TWSG1: variants seen among roughly 807,000 people sequenced by gnomAD.
The protein encoded by TWSG1 is twisted gastrulation protein homolog 1.
A neutral mutation model predicts 23.0 loss-of-function variants in TWSG1; 15 were observed. The ratio of observed to expected loss-of-function variants is 0.65; its 90% CI spans 0.44 to 1.00. TWSG1 has a LOEUF of 1.00. Among genes scored for constraint, TWSG1 ranks in the 50% least tolerant of loss-of-function variants. The probability of loss-of-function intolerance (pLI) is 0.00; values close to 1 mark genes in which losing one functional copy is unlikely to be tolerated. For synonymous variants in TWSG1, 86 were observed against 92.8 expected, an observed-to-expected ratio of 0.93 and a Z score of 0.42; for missense variants, 242 against 278.7, an observed-to-expected ratio of 0.87 and a Z score of 0.94.
chr18:9,372,091 C>T (rs1192247326), intron 3 of TWSG1, among the ~76,000 whole-genome samples: 3 of 151,892 alleles, frequency 2.0e-5, no homozygotes, highest in Non-Finnish European at 4.4e-5. Flanking sequence ...ATTGATCTAA[C>T]AGATGACAGC....
chr18:9,373,358 G>A (rs1186410465), intron 3 of TWSG1, among the ~76,000 whole-genome samples: 1 of 151,156 alleles, frequency 6.6e-6, no homozygotes, highest in African/African-American at 2.4e-5. Context: ...GCGAAACCCT[G>A]TCTCTACCAA....
At chr18:9,353,931 A>G (rs2040513327) in intron 2 of TWSG1, among the ~76,000 whole-genome samples, 1 of 152,242 alleles carries the variant, frequency 6.6e-6, no homozygotes, top group South Asian at 2.1e-4. Flanking sequence ...TACCTTTACA[A>G]ACAATGATTA....
intron 3 of TWSG1, among the ~76,000 whole-genome samples, chr18:9,361,398 C>A (rs906374721): frequency 2.0e-5 from 3 of 152,092 alleles, no homozygotes; most frequent in African/African-American, 2.4e-5. Context: ...GTCTGGTGAC[C>A]CTTGGCTGTC....
intron 3 of TWSG1, 129 bp from the exon 4 acceptor site, chr18:9,396,147 CAAAA>C (rs58754446): frequency 0.046 from 21,026 of 454,672 alleles, no homozygotes; most frequent in Middle Eastern, 0.061. Flanking sequence ...GCTCACCCAG[CAAAA>C]AAAAAAAAAA....
chr18:9,372,800 C>T (rs2040612029), intron 3 of TWSG1, among the ~76,000 whole-genome samples: 1 of 151,500 alleles, frequency 6.6e-6, no homozygotes, highest in African/African-American at 2.4e-5. Context: ...ATAAAATGCT[C>T]AATTAAAACC....
intron 2 of TWSG1, among the ~76,000 whole-genome samples, chr18:9,355,496 C>G (rs1428569755): frequency 6.6e-6 from 1 of 152,048 alleles, no homozygotes; most frequent in African/African-American, 2.4e-5. Context: ...ATGTTCACAA[C>G]CAAACATTAT....
At chr18:9,372,893 A>C (rs1440725200) in intron 3 of TWSG1, among the ~76,000 whole-genome samples, 2 of 152,228 alleles carry the variant, frequency 1.3e-5, no homozygotes, top group Non-Finnish European at 2.9e-5. Flanking sequence ...AATATGATAG[A>C]TATTAATCCA....
At chr18:9,363,879 C>T (rs1395101768) in intron 3 of TWSG1, among the ~76,000 whole-genome samples, 1 of 152,140 alleles carries the variant, frequency 6.6e-6, no homozygotes, top group Non-Finnish European at 1.5e-5. Flanking sequence ...CTGCCCTCCT[C>T]AGCCTCCCAA....
At chr18:9,365,662 G>A (rs1264789403) in intron 3 of TWSG1, among the ~76,000 whole-genome samples, 1 of 151,478 alleles carries the variant, frequency 6.6e-6, no homozygotes, top group Non-Finnish European at 1.5e-5. Flanking sequence ...AGGCGGCAGA[G>A]TGAGACTTTA....
intron 3 of TWSG1, among the ~76,000 whole-genome samples, chr18:9,363,914 C>A (rs765114954): frequency 1.3e-5 from 2 of 152,206 alleles, no homozygotes; most frequent in Non-Finnish European, 2.9e-5. Context: ...ACATGTGAGC[C>A]ACCGCACCCG....
intron 2 of TWSG1, among the ~76,000 whole-genome samples, chr18:9,358,670 T>C (rs1303005028): frequency 6.6e-6 from 1 of 152,118 alleles, no homozygotes; most frequent in Non-Finnish European, 1.5e-5. Flanking sequence ...TTTATAAGAT[T>C]AGGACCGGCT....
intron 2 of TWSG1, among the ~76,000 whole-genome samples, chr18:9,338,519 A>G (rs1173725748): frequency 6.6e-6 from 1 of 152,210 alleles, no homozygotes; most frequent in Non-Finnish European, 1.5e-5. Context: ...AAATCCCTTG[A>G]TACTGTTTTG....
At chr18:9,395,895 A>G (rs75601690) in intron 3 of TWSG1, among the ~76,000 whole-genome samples, 6,171 of 152,176 alleles carry the variant, frequency 0.041, 405 homozygotes, top group African/African-American at 0.14. Flanking sequence ...CAAATTGTCT[A>G]TTAGCCAGTA....
At chr18:9,366,851 T>C (rs2040581192) in intron 3 of TWSG1, among the ~76,000 whole-genome samples, 1 of 152,246 alleles carries the variant, frequency 6.6e-6, no homozygotes, top group African/African-American at 2.4e-5. Context: ...TTTTGAAATA[T>C]GTATACATTG....
At chr18:9,363,816 TG>T (rs11289462) in intron 3 of TWSG1, among the ~76,000 whole-genome samples, 23,409 of 151,908 alleles carry the variant, frequency 0.15, 2,395 homozygotes, top group African/African-American at 0.29. Context: ...TTTGTACAGA[TG>T]GGGTTTCACC....
At chr18:9,345,431 G>A (rs186446881) in intron 2 of TWSG1, among the ~76,000 whole-genome samples, 3 of 152,220 alleles carry the variant, frequency 2.0e-5, no homozygotes, top group East Asian at 1.9e-4. Context: ...TGGGAAGATC[G>A]CTTTAGCCCA....
At chr18:9,394,690 A>G (rs979748784) in intron 3 of TWSG1, among the ~76,000 whole-genome samples, 4 of 151,706 alleles carry the variant, frequency 2.6e-5, no homozygotes, top group Non-Finnish European at 1.5e-5. Flanking sequence ...TTATTATGTC[A>G]ATTTACAAAA....
intron 2 of TWSG1, among the ~76,000 whole-genome samples, chr18:9,353,167 A>C (rs2040509720): frequency 6.6e-6 from 1 of 152,098 alleles, no homozygotes; most frequent in Admixed American, 6.5e-5. Flanking sequence ...TCTACCATGT[A>C]GGTTTGTATA....
At chr18:9,387,770 C>CAA (rs10616614) in intron 3 of TWSG1, among the ~76,000 whole-genome samples, 6 of 120,904 alleles carry the variant, frequency 5.0e-5, no homozygotes, top group East Asian at 2.8e-4. Context: ...AACTCTGTCT[C>CAA]AAAAAAAAAA....
Sources: gnomAD v4.1 joint callset for allele counts (sites outside exome capture counted in the v4.1 genomes callset) on GRCh38, gnomAD v4.1.1 for gene constraint, MANE v1.5 for transcripts, NCBI Gene and HGNC (gene_info 2026-07-23, HGNC 2026-07-21) for gene names.